The following KCNQ3 variants were observed in gnomAD, a reference collection of about 807,000 sequenced individuals.
KCNQ3 encodes the protein potassium voltage-gated channel subfamily KQT member 3.
In KCNQ3, 30 loss-of-function variants were observed where a neutral mutation model predicts 92.5. That is an observed-to-expected ratio of 0.32 (90% confidence interval 0.24 to 0.44). The LOEUF (loss-of-function observed/expected upper bound fraction) is 0.44. Among genes scored for constraint, KCNQ3 ranks in the 20% least tolerant of loss-of-function variants. The pLI, the probability that KCNQ3 is intolerant of heterozygous loss-of-function variation, is 1.00. For missense variants in KCNQ3, 913 were observed against 1,140.3 expected (o/e 0.80, Z 2.87); for synonymous variants, 450 against 468.8 (o/e 0.96, Z 0.52).
intron 1 of KCNQ3, among the ~76,000 whole-genome samples, chr8:132,268,307 CAGTT>C (rs747719960): frequency 4.6e-5 from 7 of 152,292 alleles, no homozygotes; most frequent in South Asian, 2.1e-4. Flanking sequence ...GAGTCTCACT[CAGTT>C]GGTCACCCAG....
chr8:132,187,833 T>TGGTG (rs1827033773), intron 1 of KCNQ3, among the ~76,000 whole-genome samples: 2 of 77,234 alleles, frequency 2.6e-5, no homozygotes, highest in Admixed American at 1.4e-4. Flanking sequence ...TGGTGGTGAT[T>TGGTG]GTGGTGGTGG....
chr8:132,426,501 C>A (rs985773614), intron 1 of KCNQ3, among the ~76,000 whole-genome samples: 1 of 152,252 alleles, frequency 6.6e-6, no homozygotes, highest in Non-Finnish European at 1.5e-5. Context: ...ACCAGCATGG[C>A]ACGCAGTGTC....
chr8:132,374,447 T>C lies in KCNQ3; in HGVS notation c.386+105700A>G, dbSNP rs188662218. Among the ~76,000 whole-genome samples, 31 of 152,268 alleles carry C rather than the reference T, an allele frequency of 2.0e-4. No homozygotes were observed. The East Asian group carries it at 5.8e-3, about 29-fold the overall frequency. ...CCCGACCCACTTCTATCCTACCTCC[T>C]ACTGCAGGGGCCTTGGCCCAGTACT... On this transcript the variant is annotated intron_variant, in intron 1 of 14. Coordinates refer to ENST00000388996, the MANE Select transcript of KCNQ3 (RefSeq NM_004519.4).
intron 1 of KCNQ3, among the ~76,000 whole-genome samples, chr8:132,192,953 T>C (rs1827203261): frequency 1.3e-5 from 2 of 152,200 alleles, no homozygotes; most frequent in Admixed American, 1.3e-4. Flanking sequence ...GGTCTTTCTC[T>C]ATAGTCTTGA....
chr8:132,424,662 T>A (rs774024755), intron 1 of KCNQ3, among the ~76,000 whole-genome samples: 3 of 152,204 alleles, frequency 2.0e-5, no homozygotes, highest in Non-Finnish European at 4.4e-5. Flanking sequence ...TGTGTCACAG[T>A]TCTGGAGGCA....
At chr8:132,464,034 A>G (rs1457409388) in intron 1 of KCNQ3, among the ~76,000 whole-genome samples, 3 of 152,178 alleles carry the variant, frequency 2.0e-5, no homozygotes, top group Non-Finnish European at 2.9e-5. Context: ...AAAGTACAAA[A>G]ATTAGCTGGG....
chr8:132,172,520 C>A, intron 7 of KCNQ3, 78 bp downstream of exon 7: 1 of 1,275,904 alleles, frequency 7.8e-7, no homozygotes, highest in Non-Finnish European at 1.1e-6. Context: ...TGCACACATG[C>A]ACACATACAC....
At chr8:132,442,847 T>C (rs1282991029) in intron 1 of KCNQ3, among the ~76,000 whole-genome samples, 1 of 152,186 alleles carries the variant, frequency 6.6e-6, no homozygotes, top group African/African-American at 2.4e-5. Context: ...ATACATGGTT[T>C]TTTCTCTCTT....
intron 1 of KCNQ3, among the ~76,000 whole-genome samples, chr8:132,227,769 C>G (rs1377848134): frequency 6.6e-6 from 1 of 152,060 alleles, no homozygotes; most frequent in African/African-American, 2.4e-5. Context: ...AGTGGTCACA[C>G]CAGTTATACG....
At chr8:132,134,168 T>C (rs1824983266) in intron 13 of KCNQ3, 122 bp downstream of exon 13, 2 of 772,248 alleles carry the variant, frequency 2.6e-6, no homozygotes, top group Non-Finnish European at 4.6e-6. Context: ...AAACTCTTTC[T>C]TCATTTTACT....
At chr8:132,479,994 C>CA (rs1554660748) in intron 1 of KCNQ3, among the ~76,000 whole-genome samples, 153 bp downstream of exon 1, 5 of 111,028 alleles carry the variant, frequency 4.5e-5, no homozygotes, top group South Asian at 3.5e-4. Flanking sequence ...ACACACACAC[C>CA]CAGGGAAACG....
At chr8:132,289,586 A>G (rs954213147) in intron 1 of KCNQ3, among the ~76,000 whole-genome samples, 4 of 152,200 alleles carry the variant, frequency 2.6e-5, no homozygotes, top group African/African-American at 9.6e-5. Flanking sequence ...ACATAAGATT[A>G]TATTTAGAGC....
intron 2 of KCNQ3, among the ~76,000 whole-genome samples, chr8:132,185,316 C>G (rs1319304136): frequency 6.6e-6 from 1 of 152,256 alleles, no homozygotes; most frequent in African/African-American, 2.4e-5. Flanking sequence ...GGCCTCACCC[C>G]ATGCAGTCGG....
chr8:132,336,129 TC>T (rs1818362204), intron 1 of KCNQ3, among the ~76,000 whole-genome samples: 1 of 152,168 alleles, frequency 6.6e-6, no homozygotes, highest in South Asian at 2.1e-4. Flanking sequence ...TTCTTGCCTC[TC>T]CCACCTGACT....
At chr8:132,391,007 G>GA (rs1820034862) in intron 1 of KCNQ3, among the ~76,000 whole-genome samples, 1 of 152,152 alleles carries the variant, frequency 6.6e-6, no homozygotes, top group Non-Finnish European at 1.5e-5. Flanking sequence ...GCTTGGGAAA[G>GA]AAATGCAGTT....
Position 132,420,109 on chromosome 8 carries a change from C to T in KCNQ3, c.386+60038G>A, listed in dbSNP as rs915857675. Among the ~76,000 whole-genome samples the T allele has an allele frequency of 1.1e-4, 17 of 152,124 alleles. 1 individual carries two copies. ...CTTCTGGGGTGCAGACTGACACCTT[C>T]TCCTTGTGGTCTCATATGGTGGGCA... is the stretch of plus-strand genomic sequence containing the variant. On this transcript the variant is annotated intron_variant, in intron 1 of 14. Coordinates refer to ENST00000388996, the MANE Select transcript of KCNQ3 (RefSeq NM_004519.4).
chr8:132,253,101 C>T (rs1052994092), intron 1 of KCNQ3, among the ~76,000 whole-genome samples: 6 of 152,166 alleles, frequency 3.9e-5, no homozygotes, highest in African/African-American at 1.4e-4. Flanking sequence ...ATCTACCTAC[C>T]TATCCATTCA....
rs111426424 is a variant in KCNQ3, at chr8:132,357,007, T to TAACAACAAC, written c.386+123131_386+123139dup. On this transcript the variant is annotated intron_variant, in intron 1 of 14. Coordinates refer to ENST00000388996, the MANE Select transcript of KCNQ3 (RefSeq NM_004519.4). The stretch of plus-strand genomic sequence containing the variant: ...TATAGTAAATCTAAAACTATTTTAT[T>TAACAACAAC]AACAACAACAACAACAACAACAACA... Among the ~76,000 whole-genome samples the TAACAACAAC allele has an allele frequency of 5.7e-3, 850 of 150,440 alleles. 9 individuals are homozygous for TAACAACAAC. Among genetic ancestry groups the TAACAACAAC allele is most frequent in the African/African-American group, 0.019 (771 of 40,732 alleles).
At chr8:132,345,380 G>A (rs917076131) in intron 1 of KCNQ3, among the ~76,000 whole-genome samples, 3 of 152,316 alleles carry the variant, frequency 2.0e-5, no homozygotes, top group South Asian at 2.1e-4. Flanking sequence ...GTCCAGGAAC[G>A]TACTCAAGCA....
Sources: gnomAD v4.1 joint callset for allele counts (sites outside exome capture counted in the v4.1 genomes callset) on GRCh38, gnomAD v4.1.1 for gene constraint, MANE v1.5 for transcripts, NCBI Gene and HGNC (gene_info 2026-07-23, HGNC 2026-07-21) for gene names.